FHIT: variants seen among roughly 807,000 people sequenced by gnomAD.
FHIT encodes fragile histidine triad diadenosine triphosphatase, also known as bis(5'-adenosyl)-triphosphatase.
In FHIT, 19 loss-of-function variants were observed where a neutral mutation model predicts 17.9. That is an observed-to-expected ratio of 1.06 (90% CI 0.74 to 1.56). The LOEUF is 1.56. FHIT is among the 40% of genes most tolerant of loss of function. The pLI is 0.00. For missense variants in FHIT, 248 were observed against 189.2 expected (o/e 1.31, Z -1.82); for synonymous variants, 81 against 69.7 (o/e 1.16, Z -0.81).
At chr3:61,074,973 C>T (rs138572437) in intron 2 of FHIT, among the ~76,000 whole-genome samples, 55 of 152,246 alleles carry the variant, frequency 3.6e-4, no homozygotes, top group African/African-American at 1.3e-3. Flanking sequence ...AAAAGCCAAG[C>T]TAGGTTCAGT....
chr3:60,311,736 G>A (rs920772657), intron 5 of FHIT, among the ~76,000 whole-genome samples: 10 of 152,162 alleles, frequency 6.6e-5, no homozygotes, highest in South Asian at 2.1e-4. Flanking sequence ...GCTATCATTT[G>A]TATGGGCTCC....
At chr3:60,426,120 C>T (rs73096240) in intron 5 of FHIT, among the ~76,000 whole-genome samples, 15,259 of 152,130 alleles carry the variant, frequency 0.1, 1,262 homozygotes, top group East Asian at 0.38. Flanking sequence ...GGATTTGAAT[C>T]TCAACTCTAC....
chr3:60,255,669 A>T (rs1048382325), intron 5 of FHIT, among the ~76,000 whole-genome samples: 5 of 152,154 alleles, frequency 3.3e-5, no homozygotes, highest in African/African-American at 1.2e-4. Context: ...AAGAAAAGAT[A>T]AAATAAAAAG....
At chr3:61,147,747 G>A (rs2037267516) in intron 2 of FHIT, among the ~76,000 whole-genome samples, 1 of 152,008 alleles carries the variant, frequency 6.6e-6, no homozygotes, top group Admixed American at 6.6e-5. Flanking sequence ...TGAGATCAGG[G>A]AGCAGAAAAA....
intron 3 of FHIT, among the ~76,000 whole-genome samples, chr3:60,930,730 G>A (rs1174284790): frequency 1.3e-5 from 2 of 152,154 alleles, no homozygotes; most frequent in African/African-American, 2.4e-5. Flanking sequence ...TGCTGGAGAG[G>A]ATGTGGAGAA....
intron 4 of FHIT, among the ~76,000 whole-genome samples, chr3:60,545,199 T>C (rs933180858): frequency 1.3e-5 from 2 of 152,158 alleles, no homozygotes; most frequent in Non-Finnish European, 2.9e-5. Flanking sequence ...ATATAATCTG[T>C]AATTATCTCT....
chr3:60,220,321 T>C (rs1332026715), intron 5 of FHIT, among the ~76,000 whole-genome samples: 3 of 152,122 alleles, frequency 2.0e-5, no homozygotes, highest in Non-Finnish European at 4.4e-5. Context: ...TCTACCTCCC[T>C]TCACTCATTT....
intron 7 of FHIT, among the ~76,000 whole-genome samples, chr3:59,986,414 A>G (rs1708903193): frequency 6.7e-6 from 1 of 148,612 alleles, no homozygotes; most frequent in Non-Finnish European, 1.5e-5. Flanking sequence ...TCAAACAGTT[A>G]TTCCCTTTGC....
intron 5 of FHIT, among the ~76,000 whole-genome samples, chr3:60,439,043 G>C (rs1004626474): frequency 6.6e-5 from 10 of 152,154 alleles, no homozygotes; most frequent in African/African-American, 7.2e-5. Flanking sequence ...GAATTGGTGA[G>C]AGTGATTGGC....
intron 5 of FHIT, among the ~76,000 whole-genome samples, chr3:60,354,793 G>C (rs1050314236): frequency 7.2e-5 from 11 of 152,044 alleles, no homozygotes; most frequent in Non-Finnish European, 1.6e-4. Context: ...ATTATCTTAG[G>C]GAATCAGTAG....
chr3:59,930,974 G>A (rs1459637697), intron 7 of FHIT, among the ~76,000 whole-genome samples: 1 of 152,176 alleles, frequency 6.6e-6, no homozygotes, highest in Non-Finnish European at 1.5e-5. Flanking sequence ...CCAAGGTTCA[G>A]ATCCTACCTA....
At chr3:60,128,886 G>A (rs1483880127) in intron 5 of FHIT, among the ~76,000 whole-genome samples, 1 of 152,078 alleles carries the variant, frequency 6.6e-6, no homozygotes, top group Non-Finnish European at 1.5e-5. Flanking sequence ...ACAGTTCTTT[G>A]CACATAATAG....
chr3:60,181,778 C>G (rs1344248093), intron 5 of FHIT, among the ~76,000 whole-genome samples: 1 of 152,146 alleles, frequency 6.6e-6, no homozygotes, highest in East Asian at 1.9e-4. Flanking sequence ...TTATAGCCTT[C>G]AAGATATTGT....
At chr3:60,127,612 T>C (rs1243195657) in intron 5 of FHIT, among the ~76,000 whole-genome samples, 5 of 152,024 alleles carry the variant, frequency 3.3e-5, no homozygotes, top group Admixed American at 1.3e-4. Context: ...TTTATATCTA[T>C]TTTTTTGGAG....
rs2107180524 is a variant in FHIT at position 59,919,695 on chromosome 3, A to G, written c.348+2651T>C. On this transcript the variant is annotated intron_variant, in intron 8 of 9. Coordinates refer to ENST00000492590, the MANE Select transcript of FHIT (RefSeq NM_002012.4). ...AGCAGTAGAAATACAATTACATTTT[A>G]TGGAGCTCAGTCTCCTGCTGTTCCT... Among the ~76,000 whole-genome samples the G allele has an allele frequency of 2.0e-5, 3 of 152,314 alleles. No individual in the cohort carries two copies. The South Asian group carries it at 6.2e-4, about 32-fold the overall frequency.
intron 5 of FHIT, among the ~76,000 whole-genome samples, chr3:60,052,183 C>T (rs1471100298): frequency 6.6e-6 from 1 of 152,074 alleles, no homozygotes; most frequent in Non-Finnish European, 1.5e-5. Flanking sequence ...CTCTAGGGGT[C>T]ACAGTCTATA....
intron 5 of FHIT, among the ~76,000 whole-genome samples, chr3:60,499,037 T>C (rs77578322): frequency 0.025 from 2,516 of 102,012 alleles, 46 homozygotes; most frequent in South Asian, 0.1. Context: ...ATGTGAACTA[T>C]AGTTCCTATA....
intron 4 of FHIT, among the ~76,000 whole-genome samples, chr3:60,657,398 A>G (rs181675930): frequency 6.6e-6 from 1 of 152,148 alleles, no homozygotes; most frequent in Non-Finnish European, 1.5e-5. Flanking sequence ...ACTGACCTCA[A>G]ATGGGAGGTT....
At chr3:60,840,364 G>A (rs1702681183) in intron 3 of FHIT, among the ~76,000 whole-genome samples, 1 of 152,066 alleles carries the variant, frequency 6.6e-6, no homozygotes, top group African/African-American at 2.4e-5. Context: ...TAAAATAAGT[G>A]GGCTTTAAGA....
Sources: allele counts gnomAD v4.1 joint callset (sites outside exome capture counted in the v4.1 genomes callset), GRCh38; gene constraint gnomAD v4.1.1; transcripts MANE v1.5; gene names NCBI Gene and HGNC (gene_info 2026-07-23, HGNC 2026-07-21).